Variants in GALNT13 observed in about 807,000 individuals in gnomAD.
The protein encoded by GALNT13 is polypeptide N-acetylgalactosaminyltransferase 13.
In GALNT13, 28 loss-of-function variants were observed where a neutral mutation model predicts 64.2. The ratio of observed to expected loss-of-function variants is 0.44; its 90% CI spans 0.32 to 0.60. GALNT13 has a LOEUF of 0.60. GALNT13 is among the 20% of genes least tolerant of loss of function. GALNT13 has a pLI of 0.05. For synonymous variants in GALNT13, 214 were observed against 224.6 expected (o/e 0.95, Z 0.42); for missense variants, 577 against 669.8 (o/e 0.86, Z 1.53).
At chr2:153,304,875 G>A in the GALNT13 span, among the ~76,000 whole-genome samples, 23 of 152,092 alleles carry the variant, frequency 1.5e-4, no homozygotes, top group African/African-American at 5.1e-4. Flanking sequence ...AAACATTTGC[G>A]GAGAGGGCTG....
the GALNT13 span, among the ~76,000 whole-genome samples, chr2:153,626,588 A>G: frequency 6.6e-6 from 1 of 152,146 alleles, no homozygotes; most frequent in Non-Finnish European, 1.5e-5. Flanking sequence ...TGCTCAATAA[A>G]TATTTGTTGA....
At chr2:153,713,914 T>G in the GALNT13 span, among the ~76,000 whole-genome samples, 2 of 152,200 alleles carry the variant, frequency 1.3e-5, no homozygotes, top group Non-Finnish European at 2.9e-5. Context: ...TACAATTTGC[T>G]GCCATTTTCA....
At chr2:153,837,221 C>T in the GALNT13 span, among the ~76,000 whole-genome samples, 1 of 152,058 alleles carries the variant, frequency 6.6e-6, no homozygotes, top group Non-Finnish European at 1.5e-5. Flanking sequence ...GAGATGATAC[C>T]TCATTGTGGT....
the GALNT13 span, among the ~76,000 whole-genome samples, chr2:153,132,117 A>G: frequency 6.6e-6 from 1 of 152,204 alleles, no homozygotes; most frequent in Non-Finnish European, 1.5e-5. Context: ...AAGAACCCAC[A>G]AAAGAAATTG....
At chr2:153,283,189 T>G in the GALNT13 span, among the ~76,000 whole-genome samples, 3 of 152,178 alleles carry the variant, frequency 2.0e-5, no homozygotes, top group Admixed American at 6.5e-5. Context: ...ATCTACAGTT[T>G]CCCTGATGGC....
the GALNT13 span, among the ~76,000 whole-genome samples, chr2:153,816,114 T>C: frequency 6.6e-6 from 1 of 152,232 alleles, no homozygotes; most frequent in Non-Finnish European, 1.5e-5. Context: ...AAATATGTAC[T>C]GTGATTGTCG....
the GALNT13 span, among the ~76,000 whole-genome samples, chr2:153,549,247 A>C: frequency 6.6e-6 from 1 of 152,228 alleles, no homozygotes; most frequent in Admixed American, 6.5e-5. Flanking sequence ...TAAAATGGGA[A>C]TTTCAAAACA....
the GALNT13 span, among the ~76,000 whole-genome samples, chr2:153,356,849 G>A: frequency 7.2e-6 from 1 of 139,598 alleles, no homozygotes; most frequent in Non-Finnish European, 1.5e-5. Context: ...CCAGGCTGGA[G>A]TGCAGTGGTG....
the GALNT13 span, among the ~76,000 whole-genome samples, chr2:153,620,010 C>G: frequency 9.2e-5 from 14 of 152,070 alleles, no homozygotes; most frequent in Non-Finnish European, 1.9e-4. Flanking sequence ...AGGAAGTTCT[C>G]TATTATTATC....
At position 154,143,234 on chromosome 2, in the gene GALNT13, T is replaced by G. The variant is rs368354316; in HGVS notation, c.311+2729T>G. On this transcript the variant is annotated intron_variant, in intron 4 of 12. Coordinates refer to ENST00000392825, the MANE Select transcript of GALNT13 (RefSeq NM_052917.4). ...GGTTTGTGCTCTTATGAAAATCTAA[T>G]GCAGTGGCTGATCTGACAGGACACT... Among the ~76,000 whole-genome samples the G allele has an allele frequency of 1.4e-3, 211 of 152,284 alleles. 1 individual carries two copies. The highest frequency in any genetic ancestry group is 7.5e-3 in the South Asian group (36 of 4,824).
Position 154,429,032 on chromosome 2 carries a change from TC to T in GALNT13, c.1396-9557del, listed in dbSNP as rs141570011. ...TCTGACTGCTCCACAGACTGGCCATTCCCTATCTCTCGCTCCACAGACTGGC... is the reference window on the plus strand; with the variant it reads ...TCTGACTGCTCCACAGACTGGCCATTCCTATCTCTCGCTCCACAGACTGGC... On this transcript the variant is annotated intron_variant, in intron 11 of 12. Transcript: ENST00000392825. 8.5e-3 allele frequency among the ~76,000 whole-genome samples: 1,293 copies of T among 152,116 alleles called. 16 individuals are homozygous for T. Among genetic ancestry groups the T allele is most frequent in the African/African-American group, 0.03 (1,226 of 41,458 alleles).
chr2:153,722,422 T>G, the GALNT13 span, among the ~76,000 whole-genome samples: 34 of 140,178 alleles, frequency 2.4e-4, no homozygotes, highest in East Asian at 1.0e-3. Context: ...GCAAACACAT[T>G]CAAAAGCTAG....
chr2:153,154,120 A>G, the GALNT13 span, among the ~76,000 whole-genome samples: 1 of 151,846 alleles, frequency 6.6e-6, no homozygotes, highest in Non-Finnish European at 1.5e-5. Flanking sequence ...ACCTCCTGAT[A>G]TGGTTTGGCT....
At chr2:153,909,595 A>G (rs1162770049) in intron 2 of GALNT13, among the ~76,000 whole-genome samples, 1 of 152,088 alleles carries the variant, frequency 6.6e-6, no homozygotes, top group African/African-American at 2.4e-5. Context: ...ATTTTGAGGT[A>G]TGTTCCTTCA....
the GALNT13 span, among the ~76,000 whole-genome samples, chr2:153,693,656 GA>G: frequency 1.3e-5 from 2 of 151,884 alleles, no homozygotes; most frequent in African/African-American, 4.8e-5. Flanking sequence ...GGATAAGGGG[GA>G]AAAAGGGGAG....
Position 154,331,482 on chromosome 2 carries a change from A to T in GALNT13, c.1156+29893A>T, listed in dbSNP as rs183499831. 3.0e-3 allele frequency among the ~76,000 whole-genome samples: 450 copies of T among 150,534 alleles called. 5 individuals carry two copies. The highest frequency in any genetic ancestry group is 0.011 in the African/African-American group (433 of 40,970). On this transcript the variant is annotated intron_variant, in intron 9 of 12. Coordinates refer to ENST00000392825, the MANE Select transcript of GALNT13 (RefSeq NM_052917.4). ...CATGCCCACACAATTTTTTTTTTTT[A>T]AAATGTAGAGACTGGGTCTCGCCAT... is the stretch of plus-strand genomic sequence containing the variant.
the GALNT13 span, among the ~76,000 whole-genome samples, chr2:153,126,942 G>A: frequency 6.6e-6 from 1 of 152,136 alleles, no homozygotes; most frequent in Non-Finnish European, 1.5e-5. Context: ...TTCGTTGGCT[G>A]GCTGGCTGAC....
chr2:154,349,020 T>A (rs1696235059), intron 9 of GALNT13, among the ~76,000 whole-genome samples: 1 of 152,228 alleles, frequency 6.6e-6, no homozygotes, highest in African/African-American at 2.4e-5. Context: ...CTACCTTAAA[T>A]ACCAAATTAT....
the GALNT13 span, among the ~76,000 whole-genome samples, chr2:153,509,129 A>G: frequency 6.8e-4 from 104 of 152,218 alleles, no homozygotes; most frequent in African/African-American, 2.5e-3. Flanking sequence ...AGAGGAAGAA[A>G]GAAGGAAATA....
Sources: gnomAD v4.1 joint callset for allele counts (sites outside exome capture counted in the v4.1 genomes callset) on GRCh38, gnomAD v4.1.1 for gene constraint, MANE v1.5 for transcripts, NCBI Gene and HGNC (gene_info 2026-07-23, HGNC 2026-07-21) for gene names.